Variants in JAKMIP1 observed in about 807,000 individuals in gnomAD.
The protein encoded by JAKMIP1 is janus kinase and microtubule interacting protein 1.
JAKMIP1 carries 33 observed loss-of-function variants against 113.0 expected under a neutral mutation model. The ratio of observed to expected loss-of-function variants is 0.29; its 90% CI spans 0.22 to 0.39. The LOEUF is 0.39. Ranked by LOEUF, JAKMIP1 falls within the 10% of genes least tolerant of loss-of-function variation. The pLI is 1.00. For synonymous variants in JAKMIP1, 480 were observed against 459.9 expected, an observed-to-expected ratio of 1.04 and a Z score of -0.56; for missense variants, 813 against 1,080.5, an observed-to-expected ratio of 0.75 and a Z score of 3.47.
Position 6,193,152 on chromosome 4 carries a change from C to T in JAKMIP1, c.-148+7101G>A, listed in dbSNP as rs1475880511. ...TCCCATGCTGGATGCTTCCTGCCCTCGGACATCAGACTGCAAGTTCTTCAG... is the reference window on the plus strand; with the variant it reads ...TCCCATGCTGGATGCTTCCTGCCCTTGGACATCAGACTGCAAGTTCTTCAG... On this transcript the variant is annotated intron_variant, in intron 1 of 20. Coordinates refer to ENST00000409021, the MANE Select transcript of JAKMIP1 (RefSeq NM_001099433.2). This position sits in a 1 kb window ranked among gnomAD's most constrained non-coding sequence, Gnocchi z 6.4. Among the ~76,000 whole-genome samples, 3 of 152,154 alleles carry T rather than the reference C, an allele frequency of 2.0e-5. No homozygotes were observed. The highest frequency in any genetic ancestry group is 2.1e-4 in the South Asian group (1 of 4,820).
At chr4:6,058,861 T>C (rs1052323664) in intron 11 of JAKMIP1, among the ~76,000 whole-genome samples, 6 of 152,222 alleles carry the variant, frequency 3.9e-5, no homozygotes, top group Non-Finnish European at 7.3e-5. Context: ...GTTACAGATA[T>C]GTGGGCTCAG....
rs4286616 is a variant in JAKMIP1 at position 6,142,230 on chromosome 4, T to C, written c.-147-29233A>G. 0.83 allele frequency among the ~76,000 whole-genome samples: 125,813 copies of C among 152,126 alleles called. 55,323 individuals carry two copies. Among genetic ancestry groups the C allele is most frequent in the East Asian group, 1 (5,169 of 5,174 alleles). On this transcript the variant is annotated intron_variant, in intron 1 of 20. Coordinates refer to ENST00000409021, the MANE Select transcript of JAKMIP1 (RefSeq NM_001099433.2). The surrounding 1 kb of genome is among the most constrained non-coding windows in gnomAD (Gnocchi z 5.5). Reference sequence around the variant, plus strand: ...GTTATTTCTGAGGATTTTGTACAGATTTAGAATTTTTTTCCATGGAGAGAT... The same window carrying C: ...GTTATTTCTGAGGATTTTGTACAGACTTAGAATTTTTTTCCATGGAGAGAT...
chr4:6,051,009 A>T lies in JAKMIP1; in HGVS notation c.1807-330T>A, dbSNP rs1715592165. On this transcript the variant is annotated intron_variant, in intron 13 of 20. Transcript: ENST00000409021. The surrounding 1 kb of genome is among the most constrained non-coding windows in gnomAD (Gnocchi z 5.0). ...AAAAAACACAGTTGCACTAAATTTG[A>T]ATAGACAGCAAAAGCCACCAACTAT... Among the ~76,000 whole-genome samples the T allele has an allele frequency of 6.6e-6, 1 of 152,230 alleles. No homozygotes were observed. Among genetic ancestry groups the T allele is most frequent in the Non-Finnish European group, 1.5e-5 (1 of 68,054 alleles).
chr4:6,130,060 G>C (rs1378108415), intron 1 of JAKMIP1, among the ~76,000 whole-genome samples: 1 of 152,202 alleles, frequency 6.6e-6, no homozygotes, highest in Non-Finnish European at 1.5e-5. Context: ...ACAGAGCCCA[G>C]GTCCAGCTCA....
intron 1 of JAKMIP1, among the ~76,000 whole-genome samples, chr4:6,118,603 C>A (rs1170818509): frequency 6.6e-6 from 1 of 152,204 alleles, no homozygotes; most frequent in Admixed American, 6.5e-5. Flanking sequence ...TGCCCATGCA[C>A]TGGGTGCAAG....
chr4:6,052,680 T>G (rs1470565710), intron 13 of JAKMIP1, among the ~76,000 whole-genome samples: 1 of 148,024 alleles, frequency 6.8e-6, no homozygotes, highest in Non-Finnish European at 1.5e-5. Flanking sequence ...AAAAAGCCAT[T>G]TTGTTTCTGG....
At position 6,139,020 on chromosome 4, in the gene JAKMIP1, T is replaced by G. The variant is rs1382426063; in HGVS notation, c.-147-26023A>C. Among the ~76,000 whole-genome samples, 2 of 151,476 alleles carry G rather than the reference T, an allele frequency of 1.3e-5. No homozygotes were observed. The highest frequency in any genetic ancestry group is 4.9e-5 in the African/African-American group (2 of 41,072). On this transcript the variant is annotated intron_variant, in intron 1 of 20. Transcript: ENST00000409021. This position sits in a 1 kb window ranked among gnomAD's most constrained non-coding sequence, Gnocchi z 5.2. Reference sequence around the variant, plus strand: ...GTCTGTTCATCCTCCATGGCCTTAGTCAAGCTGTTATTGTTTGCATGTGAC... The same window carrying G: ...GTCTGTTCATCCTCCATGGCCTTAGGCAAGCTGTTATTGTTTGCATGTGAC...
chr4:6,171,021 ATCACCACCATCACCACCC>A (rs1430178184), intron 1 of JAKMIP1, among the ~76,000 whole-genome samples: 21 of 147,934 alleles, frequency 1.4e-4, no homozygotes, highest in East Asian at 8.1e-4. Context: ...CATCACCATA[ATCACCACCATCACCACCC>A]TCACCACCAT....
rs1228055518 is a variant in JAKMIP1, at chr4:6,086,328, AC to A, written c.625-700del. Among the ~76,000 whole-genome samples the A allele has an allele frequency of 6.6e-6, 1 of 151,574 alleles. No individual in the cohort carries two copies. The highest frequency in any genetic ancestry group is 2.4e-5 in the African/African-American group (1 of 41,236). On this transcript the variant is annotated intron_variant, in intron 3 of 20. Transcript: ENST00000409021. This position sits in a 1 kb window ranked among gnomAD's most constrained non-coding sequence, Gnocchi z 4.1. Reference sequence around the variant, plus strand: ...AGCCAGGTCCTCCCCGACGGTATCAACCCCACATATGCAGCAGATCTTAAAC... The same window carrying A: ...AGCCAGGTCCTCCCCGACGGTATCAACCCACATATGCAGCAGATCTTAAAC...
chr4:6,168,702 A>G lies in JAKMIP1; in HGVS notation c.-148+31551T>C, dbSNP rs1240917656. ...GTCCAAGAGTCCAAGACCAGCTTGG[A>G]CAGGATGGCAAATCCATGTCTCTAC... On this transcript the variant is annotated intron_variant, in intron 1 of 20. Transcript: ENST00000409021. This position sits in a 1 kb window ranked among gnomAD's most constrained non-coding sequence, Gnocchi z 4.6. Among the ~76,000 whole-genome samples, 1 of 151,882 alleles carries G rather than the reference A, an allele frequency of 6.6e-6. No homozygotes were observed. The highest frequency in any genetic ancestry group is 1.9e-4 in the East Asian group (1 of 5,176).
chr4:6,170,918 ACCT>A (rs1560317808), intron 1 of JAKMIP1, among the ~76,000 whole-genome samples: 1 of 145,964 alleles, frequency 6.9e-6, no homozygotes, highest in Non-Finnish European at 1.5e-5. Flanking sequence ...CACCGCCACC[ACCT>A]TTCTTACCAT....
intron 1 of JAKMIP1, among the ~76,000 whole-genome samples, chr4:6,166,578 T>A (rs879941988): frequency 1.3e-5 from 2 of 152,236 alleles, no homozygotes; most frequent in Admixed American, 6.5e-5. Context: ...CGCTGAAATC[T>A]CCATGCATAA....
At chr4:6,028,259 G>A (rs1362493098) in intron 20 of JAKMIP1, among the ~76,000 whole-genome samples, 1 of 152,230 alleles carries the variant, frequency 6.6e-6, no homozygotes, top group Non-Finnish European at 1.5e-5. Context: ...ATCCTTGGGA[G>A]GCTGGTAGGC....
Position 6,084,836 on chromosome 4 carries a change from G to C in JAKMIP1, c.954+10C>G. 1 of 1,607,858 alleles carries C rather than the reference G, an allele frequency of 6.2e-7. No individual in the cohort carries two copies. Among genetic ancestry groups the C allele is most frequent in the Non-Finnish European group, 8.5e-7 (1 of 1,178,062 alleles). ...CTATGAGGCACCGCCTGTCTCTTGG[G>C]GCTACTTACCAGTTCATTCCTCTCA... On this transcript the variant is annotated intron_variant, in intron 5 of 20. Transcript: ENST00000409021.
intron 8 of JAKMIP1, among the ~76,000 whole-genome samples, chr4:6,066,994 T>C (rs1044721151): frequency 6.6e-6 from 1 of 152,054 alleles, no homozygotes; most frequent in Non-Finnish European, 1.5e-5. Flanking sequence ...TTCCCTTAGG[T>C]CTCTGCACAA....
In JAKMIP1 at chr4:6,142,877, G is replaced by A. The variant is rs544620083; in HGVS notation, c.-147-29880C>T. 2.0e-5 allele frequency among the ~76,000 whole-genome samples: 3 copies of A among 152,220 alleles called. No homozygotes were observed. Among genetic ancestry groups the A allele is most frequent in the Non-Finnish European group, 4.4e-5 (3 of 68,042 alleles). On this transcript the variant is annotated intron_variant, in intron 1 of 20. Coordinates refer to ENST00000409021, the MANE Select transcript of JAKMIP1 (RefSeq NM_001099433.2). The surrounding 1 kb of genome is among the most constrained non-coding windows in gnomAD (Gnocchi z 5.5). Reference sequence around the variant, plus strand: ...AAACGGAGGATGGAAAGGTTTAAGGGACATGGCCGGCAATGACAAAGCCCA... The same window carrying A: ...AAACGGAGGATGGAAAGGTTTAAGGAACATGGCCGGCAATGACAAAGCCCA...
chr4:6,126,577 C>T (rs558086585), intron 1 of JAKMIP1, among the ~76,000 whole-genome samples: 178 of 148,338 alleles, frequency 1.2e-3, no homozygotes, highest in South Asian at 3.1e-3. Context: ...AACACTCACA[C>T]GCACACACAC....
rs542664796 is a variant in JAKMIP1 at position 6,197,206 on chromosome 4, C to T, written c.-148+3047G>A. Among the ~76,000 whole-genome samples, 1 of 152,348 alleles carries T rather than the reference C, an allele frequency of 6.6e-6. No individual in the cohort carries two copies. The highest frequency in any genetic ancestry group is 1.9e-4 in the East Asian group (1 of 5,176). ...GCTAAGCGACTTGCCCAACGTCACA[C>T]TGTCAGTAGGGTGGGAGCTGGTCCT... is the stretch of plus-strand genomic sequence containing the variant. On this transcript the variant is annotated intron_variant, in intron 1 of 20. Coordinates refer to ENST00000409021, the MANE Select transcript of JAKMIP1 (RefSeq NM_001099433.2). The surrounding 1 kb of genome is among the most constrained non-coding windows in gnomAD (Gnocchi z 6.5).
At position 6,069,111 on chromosome 4, in the gene JAKMIP1, G is replaced by C. The variant is rs902337141; in HGVS notation, c.1303-4103C>G. On this transcript the variant is annotated intron_variant, in intron 8 of 20. Coordinates refer to ENST00000409021, the MANE Select transcript of JAKMIP1 (RefSeq NM_001099433.2). The surrounding 1 kb of genome is among the most constrained non-coding windows in gnomAD (Gnocchi z 4.5). The stretch of plus-strand genomic sequence containing the variant: ...CCTTGAAGGCAATGCAACTGGTTTT[G>C]CACTGCATTTTCAAAAAATGCAGGA... Among the ~76,000 whole-genome samples the C allele has an allele frequency of 1.3e-5, 2 of 152,172 alleles. No homozygotes were observed. The highest frequency in any genetic ancestry group is 4.8e-5 in the African/African-American group (2 of 41,424).
Sources: allele counts gnomAD v4.1 joint callset (sites outside exome capture counted in the v4.1 genomes callset), GRCh38; gene constraint gnomAD v4.1.1; non-coding constraint Gnocchi (gnomAD v3.1); transcripts MANE v1.5; gene names NCBI Gene and HGNC (gene_info 2026-07-23, HGNC 2026-07-21).